Variants in BAG4 observed in about 807,000 individuals in gnomAD.
BAG4 encodes BAG cochaperone 4, also known as BAG family molecular chaperone regulator 4.
In BAG4, 28 loss-of-function variants were observed where a neutral mutation model predicts 52.1. The observed-to-expected ratio is 0.54, with a 90% CI of 0.40 to 0.74. The LOEUF (loss-of-function observed/expected upper bound fraction) is 0.74, where lower values mean the gene tolerates loss of function less well. Among genes scored for constraint, BAG4 ranks in the 30% least tolerant of loss-of-function variants. The probability of loss-of-function intolerance (pLI) is 0.00; values close to 1 mark genes in which losing one functional copy is unlikely to be tolerated. For missense variants in BAG4, 525 were observed against 572.0 expected (o/e 0.92, Z 0.84); for synonymous variants, 208 against 217.0 (o/e 0.96, Z 0.37).
intron 1 of BAG4, among the ~76,000 whole-genome samples, chr8:38,191,374 ATC>A (rs776594396): frequency 1.4e-4 from 22 of 152,314 alleles, no homozygotes; most frequent in Middle Eastern, 6.8e-3. Flanking sequence ...AATAGTGATA[ATC>A]TCTCAGTTAT....
At chr8:38,209,818 A>G (rs1459345982) in intron 4 of BAG4, among the ~76,000 whole-genome samples, 190 bp from the exon 5 acceptor site, 1 of 152,214 alleles carries the variant, frequency 6.6e-6, no homozygotes, top group African/African-American at 2.4e-5. Flanking sequence ...TTTGTCTGAC[A>G]GGGCACTCCC....
chr8:38,212,143 A>G lies in BAG4; in HGVS notation c.*1650A>G, dbSNP rs1013360167. On this transcript the variant is annotated 3_prime_UTR_variant, in exon 5 of 5. Transcript: ENST00000287322. ...ATTTTATTTTTGGCCTAATATAGGA[A>G]TGTTTAAAAAAGGCTTTTCTATGAA... is the stretch of plus-strand genomic sequence containing the variant. 6.6e-6 allele frequency: 1 copy of G among 152,186 alleles called. No individual in the cohort carries two copies. The highest frequency in any genetic ancestry group is 1.5e-5 in the Non-Finnish European group (1 of 68,014). 9.4% of individuals were successfully genotyped at this position (152,186 alleles called of 1,614,324 possible).
Position 38,208,994 on chromosome 8 carries a change from TTTC to T in BAG4, c.634-11_634-9del, listed in dbSNP as rs762303065. The T allele has an allele frequency of 1.2e-6, 2 of 1,601,182 alleles. No homozygotes were observed. The highest frequency in any genetic ancestry group is 2.2e-5 in the East Asian group (1 of 44,706). On this transcript the variant is annotated splice_polypyrimidine_tract_variant and intron_variant, in intron 3 of 4. Transcript: ENST00000287322. Reference sequence around the variant, plus strand: ...TAAGTTTTTCACAATGACTGGTATATTTCTTCTTCTCAATCTAGAACCCTGGAA... The same window carrying T: ...TAAGTTTTTCACAATGACTGGTATATTTCTTCTCAATCTAGAACCCTGGAA...
At chr8:38,177,755 C>T (rs1378255876) in intron 1 of BAG4, among the ~76,000 whole-genome samples, 1 of 152,092 alleles carries the variant, frequency 6.6e-6, no homozygotes, top group Non-Finnish European at 1.5e-5. Context: ...GGAACCGGGG[C>T]TCTGCGAGGT....
intron 2 of BAG4, among the ~76,000 whole-genome samples, chr8:38,194,913 G>A (rs970230174): frequency 1.4e-5 from 2 of 139,040 alleles, no homozygotes; most frequent in African/African-American, 5.4e-5. Context: ...GGAGTGCAGT[G>A]GCGCGACCTC....
At chr8:38,199,563 G>A (rs560654668) in intron 2 of BAG4, among the ~76,000 whole-genome samples, 72 of 147,478 alleles carry the variant, frequency 4.9e-4, no homozygotes, top group African/African-American at 1.7e-3. Context: ...TCGCTCTGTC[G>A]CCCAGGCTGG....
intron 2 of BAG4, among the ~76,000 whole-genome samples, chr8:38,193,446 C>T (rs1258806501): frequency 1.3e-5 from 2 of 151,698 alleles, no homozygotes; most frequent in East Asian, 1.9e-4. Flanking sequence ...AAAAACCCCA[C>T]GAAAATCTAG....
intron 1 of BAG4, among the ~76,000 whole-genome samples, chr8:38,185,085 G>C (rs1424257451): frequency 2.2e-5 from 3 of 136,740 alleles, no homozygotes; most frequent in African/African-American, 8.1e-5. Context: ...GTGAGACTCT[G>C]TCTCAAAAAA....
intron 2 of BAG4, among the ~76,000 whole-genome samples, chr8:38,198,167 G>A (rs533555187): frequency 5.3e-5 from 8 of 151,786 alleles, no homozygotes; most frequent in East Asian, 2.0e-4. Context: ...GGCAGATCAC[G>A]AGGTCAGGAA....
chr8:38,205,594 T>G (rs1232582797), intron 2 of BAG4, among the ~76,000 whole-genome samples: 1 of 152,158 alleles, frequency 6.6e-6, no homozygotes, highest in East Asian at 1.9e-4. Context: ...TCCAATTGTG[T>G]GTGTGATGTA....
At chr8:38,191,869 T>G (rs1194341163) in intron 1 of BAG4, among the ~76,000 whole-genome samples, 1 of 152,120 alleles carries the variant, frequency 6.6e-6, no homozygotes, top group Non-Finnish European at 1.5e-5. Context: ...CTGAGAAGTT[T>G]TGAGTATATT....
chr8:38,186,843 A>C (rs1388975081), intron 1 of BAG4, among the ~76,000 whole-genome samples: 1 of 152,256 alleles, frequency 6.6e-6, no homozygotes, highest in Non-Finnish European at 1.5e-5. Context: ...GACTGTGGGC[A>C]TACCCAAGGC....
chr8:38,193,883 C>A (rs1447266694), intron 2 of BAG4, among the ~76,000 whole-genome samples: 1 of 152,140 alleles, frequency 6.6e-6, no homozygotes, highest in Non-Finnish European at 1.5e-5. Flanking sequence ...GGACTACAGG[C>A]ATGTGCCACC....
Position 38,210,478 on chromosome 8 carries a change from A to G in BAG4, c.1359A>G (p.Glu453=). The change falls in exon 5 of 5, where the codon GAA becomes GAG. Residue 453 remains glutamate, a synonymous_variant. Coordinates refer to ENST00000287322, the MANE Select transcript of BAG4 (RefSeq NM_004874.4). ...CKIQAILEKL[E]KKGL ...TTCAGGCCATACTGGAAAAATTAGA[A>G]AAAAAAGGATTATGAAAGGATTTAG... 1 of 1,572,952 alleles carries G rather than the reference A, an allele frequency of 6.4e-7. No individual in the cohort carries two copies. The highest frequency in any genetic ancestry group is 1.2e-5 in the South Asian group (1 of 83,862).
rs1364863557 is a variant in BAG4, at chr8:38,212,407, G to A, written c.*1914G>A. ...GAGATAATTTTAGACTTACAGAAGAGTTGTAAAAGTAGTAGAGTTCTTGTA... is the reference window on the plus strand; with the variant it reads ...GAGATAATTTTAGACTTACAGAAGAATTGTAAAAGTAGTAGAGTTCTTGTA... On this transcript the variant is annotated 3_prime_UTR_variant, in exon 5 of 5. Transcript: ENST00000287322. The A allele has an allele frequency of 6.6e-6, 1 of 152,140 alleles. No individual in the cohort carries two copies. Among genetic ancestry groups the A allele is most frequent in the Non-Finnish European group, 1.5e-5 (1 of 68,022 alleles). 9.4% of individuals were successfully genotyped at this position (152,140 alleles called of 1,614,324 possible).
intron 1 of BAG4, among the ~76,000 whole-genome samples, chr8:38,191,004 C>T (rs112710083): frequency 6.6e-6 from 1 of 152,064 alleles, no homozygotes; most frequent in African/African-American, 2.4e-5. Context: ...GTGATCCACC[C>T]GCGTCAGGCC....
At chr8:38,201,849 TA>T (rs1803668337) in intron 2 of BAG4, 2 of 6,356 alleles carry the variant, frequency 3.1e-4, no homozygotes, top group Non-Finnish European at 4.6e-4. Flanking sequence ...TATATATATA[TA>T]TATATATATA....
At chr8:38,186,858 C>T (rs1048119253) in intron 1 of BAG4, among the ~76,000 whole-genome samples, 9 of 152,204 alleles carry the variant, frequency 5.9e-5, no homozygotes, top group Non-Finnish European at 1.2e-4. Context: ...CAAGGCTGTG[C>T]CTTCTAATGA....
At position 38,212,033 on chromosome 8, in the gene BAG4, A is replaced by C. The variant is rs1201839632; in HGVS notation, c.*1540A>C. 6.6e-6 allele frequency: 1 copy of C among 152,138 alleles called. No individual in the cohort carries two copies. The highest frequency in any genetic ancestry group is 1.5e-5 in the Non-Finnish European group (1 of 67,992). The allele number at this position is 152,138 out of a possible 1,614,324, so 9.4% of individuals were successfully genotyped here. ...CAAACCAATACAAACAGATGAGGAG[A>C]GGAAATGTAGTAAAAATACTGGCTG... On this transcript the variant is annotated 3_prime_UTR_variant, in exon 5 of 5. Coordinates refer to ENST00000287322, the MANE Select transcript of BAG4 (RefSeq NM_004874.4).
Sources: allele counts gnomAD v4.1 joint callset (sites outside exome capture counted in the v4.1 genomes callset), GRCh38; gene constraint gnomAD v4.1.1; transcripts MANE v1.5; gene names NCBI Gene and HGNC (gene_info 2026-07-23, HGNC 2026-07-21).